ASIC2: variants seen among roughly 807,000 people sequenced by gnomAD.
The protein encoded by ASIC2 is acid sensing ion channel subunit 2, also known as acid-sensing ion channel 2.
A neutral mutation model predicts 57.3 loss-of-function variants in ASIC2; 25 were observed. The observed-to-expected ratio is 0.44, with a 90% CI of 0.32 to 0.61. The LOEUF (loss-of-function observed/expected upper bound fraction) is 0.61. ASIC2 is among the 20% of genes least tolerant of loss of function. ASIC2 has a pLI of 0.06. For synonymous variants in ASIC2, 319 were observed against 307.5 expected (o/e 1.04, Z -0.39); for missense variants, 641 against 738.1 (o/e 0.87, Z 1.52).
chr17:33,802,791 C>A (rs1298674460), intron 1 of ASIC2, among the ~76,000 whole-genome samples: 1 of 152,236 alleles, frequency 6.6e-6, no homozygotes, highest in African/African-American at 2.4e-5. Context: ...ACTGACTCTT[C>A]AGCTTCTCTG....
chr17:33,552,618 G>A (rs886455960), intron 1 of ASIC2, among the ~76,000 whole-genome samples: 2 of 152,184 alleles, frequency 1.3e-5, no homozygotes, highest in Non-Finnish European at 2.9e-5. Flanking sequence ...ATGAGTGAGG[G>A]TGAGACAATA....
intron 1 of ASIC2, among the ~76,000 whole-genome samples, chr17:33,856,480 G>C (rs1328597844): frequency 1.3e-5 from 2 of 152,050 alleles, no homozygotes; most frequent in Non-Finnish European, 2.9e-5. Flanking sequence ...AGTGGTGGTG[G>C]TGGCAGTAGT....
chr17:33,955,923 G>A (rs780762669), intron 1 of ASIC2, among the ~76,000 whole-genome samples: 1 of 152,056 alleles, frequency 6.6e-6, no homozygotes, highest in Non-Finnish European at 1.5e-5. Context: ...TAAAATTTTT[G>A]TATTATGTTC....
chr17:33,491,016 C>T (rs959515605), intron 1 of ASIC2, among the ~76,000 whole-genome samples: 33 of 152,156 alleles, frequency 2.2e-4, no homozygotes, highest in African/African-American at 3.1e-4. Context: ...TCACTGAGGT[C>T]GCTCTTCCCC....
At chr17:33,651,316 G>A (rs910795291) in intron 1 of ASIC2, among the ~76,000 whole-genome samples, 13 of 152,126 alleles carry the variant, frequency 8.5e-5, no homozygotes, top group Admixed American at 7.9e-4. Flanking sequence ...AGAACTTTTC[G>A]TATTAATTCT....
intron 1 of ASIC2, among the ~76,000 whole-genome samples, chr17:33,282,994 A>T (rs1905018273): frequency 6.6e-6 from 1 of 152,170 alleles, no homozygotes; most frequent in African/African-American, 2.4e-5. Context: ...GGTCATGGGC[A>T]TCTTTAAGGG....
intron 1 of ASIC2, among the ~76,000 whole-genome samples, chr17:33,896,560 G>A (rs1915103785): frequency 6.6e-6 from 1 of 152,208 alleles, no homozygotes; most frequent in African/African-American, 2.4e-5. Context: ...TGGCCTGCAG[G>A]GGCTCAGAGC....
chr17:33,637,329 C>T (rs962457559), intron 1 of ASIC2, among the ~76,000 whole-genome samples: 2 of 152,078 alleles, frequency 1.3e-5, no homozygotes, highest in African/African-American at 4.8e-5. Flanking sequence ...GCATCTCCAG[C>T]TCCTGCTCCG....
At chr17:33,661,855 C>T (rs1907277426) in intron 1 of ASIC2, among the ~76,000 whole-genome samples, 1 of 152,134 alleles carries the variant, frequency 6.6e-6, no homozygotes, top group Non-Finnish European at 1.5e-5. Context: ...TGACTGGCGG[C>T]AGAAATAAAA....
At chr17:33,775,675 G>A (rs1435378768) in intron 1 of ASIC2, among the ~76,000 whole-genome samples, 1 of 152,174 alleles carries the variant, frequency 6.6e-6, no homozygotes, top group Non-Finnish European at 1.5e-5. Flanking sequence ...GTATGTGTGT[G>A]TGGTGAGAAA....
chr17:33,852,693 G>C (rs1309360663), intron 1 of ASIC2, among the ~76,000 whole-genome samples: 9 of 152,124 alleles, frequency 5.9e-5, no homozygotes, highest in Admixed American at 2.6e-4. Flanking sequence ...GCTACCTCTT[G>C]ATAAGGACAC....
chr17:33,718,247 A>G (rs1211917721), intron 1 of ASIC2, among the ~76,000 whole-genome samples: 4 of 152,094 alleles, frequency 2.6e-5, no homozygotes, highest in Non-Finnish European at 5.9e-5. Flanking sequence ...AGCATTTTTT[A>G]TTGTTGTATT....
intron 1 of ASIC2, among the ~76,000 whole-genome samples, chr17:34,151,499 G>C (rs76114007): frequency 0.026 from 3,900 of 152,322 alleles, 177 homozygotes; most frequent in African/African-American, 0.088. Flanking sequence ...GGCGTGGGGA[G>C]AGGGGCTGGC....
chr17:33,962,495 G>A (rs949731671), intron 1 of ASIC2, among the ~76,000 whole-genome samples: 2 of 152,188 alleles, frequency 1.3e-5, no homozygotes, highest in African/African-American at 4.8e-5. Context: ...AGTGAATTCT[G>A]AAGCTATTCT....
At chr17:33,732,015 G>A (rs1312990198) in intron 1 of ASIC2, among the ~76,000 whole-genome samples, 1 of 152,082 alleles carries the variant, frequency 6.6e-6, no homozygotes, top group East Asian at 1.9e-4. Context: ...GAATGCATGG[G>A]GTAAATAACA....
chr17:33,767,191 C>G (rs1195978768), intron 1 of ASIC2, among the ~76,000 whole-genome samples: 1 of 152,216 alleles, frequency 6.6e-6, no homozygotes, highest in East Asian at 1.9e-4. Flanking sequence ...GCATAAATTC[C>G]CAGTGGGAAC....
intron 1 of ASIC2, among the ~76,000 whole-genome samples, chr17:34,107,465 C>T (rs767836386): frequency 6.6e-6 from 1 of 152,182 alleles, no homozygotes; most frequent in Admixed American, 6.5e-5. Flanking sequence ...GCTGTGATCA[C>T]GCCACTGTAC....
At chr17:34,104,886 GA>G (rs1910989554) in intron 1 of ASIC2, among the ~76,000 whole-genome samples, 1 of 151,834 alleles carries the variant, frequency 6.6e-6, no homozygotes, top group African/African-American at 2.4e-5. Context: ...CTATGTTAAT[GA>G]AGAATATTTT....
chr17:33,436,887 A>G (rs1911639239), intron 1 of ASIC2, among the ~76,000 whole-genome samples: 1 of 57,040 alleles, frequency 1.8e-5, no homozygotes, highest in African/African-American at 6.7e-5. Context: ...TTTTTTTGAG[A>G]CGGAGTCTCG....
Sources: gnomAD v4.1 joint callset for allele counts (sites outside exome capture counted in the v4.1 genomes callset) on GRCh38, gnomAD v4.1.1 for gene constraint, MANE v1.5 for transcripts, NCBI Gene and HGNC (gene_info 2026-07-23, HGNC 2026-07-21) for gene names.